The following ATP9B variants were observed in gnomAD, a reference collection of about 807,000 sequenced individuals.
ATP9B encodes probable phospholipid-transporting ATPase IIB.
A neutral mutation model predicts 146.1 loss-of-function variants in ATP9B; 110 were observed. The observed-to-expected ratio is 0.75, with a 90% confidence interval of 0.65 to 0.88. The LOEUF (loss-of-function observed/expected upper bound fraction) is 0.88, where lower values mean the gene tolerates loss of function less well. Among genes scored for constraint, ATP9B ranks in the 40% least tolerant of loss-of-function variants. The pLI is 0.00. For synonymous variants in ATP9B, 604 were observed against 569.7 expected, an observed-to-expected ratio of 1.06 and a Z score of -0.86; for missense variants, 1,499 against 1,496.4, an observed-to-expected ratio of 1.00 and a Z score of -0.03.
rs918605139 is a variant in ATP9B at position 79,316,880 on chromosome 18, A to C, written c.1773+9646A>C. Among the ~76,000 whole-genome samples, 26 of 152,260 alleles carry C rather than the reference A, an allele frequency of 1.7e-4. 1 individual carries two copies. Among genetic ancestry groups the C allele is most frequent in the Non-Finnish European group, 2.2e-4 (15 of 68,046 alleles). On this transcript the variant is annotated intron_variant, in intron 15 of 29. Coordinates refer to ENST00000426216, the MANE Select transcript of ATP9B (RefSeq NM_198531.5). ...GAAATCGGAAGATTATTGGCAAAAC[A>C]TAGTAAATACAAAACAGCGAATGTA... is the stretch of plus-strand genomic sequence containing the variant.
intron 4 of ATP9B, among the ~76,000 whole-genome samples, chr18:79,116,939 T>TAAAAAAAAAAAAAAAAAAAAAAAAAA (rs2094091025): frequency 1.3e-5 from 1 of 77,982 alleles, no homozygotes; most frequent in African/African-American, 5.4e-5. Flanking sequence ...AAAAAAAAAA[T>TAAAAAAAAAAAAAAAAAAAAAAAAAA]TAAAAAAAAA....
chr18:79,323,776 G>A (rs924140822), intron 15 of ATP9B, among the ~76,000 whole-genome samples: 11 of 152,168 alleles, frequency 7.2e-5, no homozygotes, highest in African/African-American at 1.2e-4. Flanking sequence ...TAGGGGTGCC[G>A]AGATCTCTTC....
chr18:79,316,649 C>T (rs938704365), intron 15 of ATP9B, among the ~76,000 whole-genome samples: 3 of 152,124 alleles, frequency 2.0e-5, no homozygotes, highest in Admixed American at 6.6e-5. Context: ...GCAGCCAACA[C>T]GTCAGAGAGC....
At chr18:79,176,196 C>G (rs1400015371) in intron 7 of ATP9B, among the ~76,000 whole-genome samples, 1 of 152,122 alleles carries the variant, frequency 6.6e-6, no homozygotes, top group Non-Finnish European at 1.5e-5. Flanking sequence ...AAGGAGCAGC[C>G]TTGTGTGTAT....
intron 13 of ATP9B, among the ~76,000 whole-genome samples, chr18:79,287,047 A>G (rs1599625280): frequency 6.6e-6 from 1 of 152,184 alleles, no homozygotes; most frequent in Non-Finnish European, 1.5e-5. Context: ...TGCTTGCATC[A>G]GTGTTCATCA....
intron 7 of ATP9B, 106 bp downstream of exon 7, chr18:79,154,661 TG>T: frequency 3.0e-6 from 2 of 667,946 alleles, no homozygotes; most frequent in South Asian, 6.0e-5. Context: ...TTTAGTATGC[TG>T]CAGCAATGAG....
chr18:79,303,786 G>C, intron 14 of ATP9B, 70 bp downstream of exon 14: 5 of 1,101,462 alleles, frequency 4.5e-6, no homozygotes, highest in East Asian at 2.4e-5. Flanking sequence ...GCTGAGCCTC[G>C]TGTGTTCCCA....
chr18:79,095,934 A>G (rs1287346829), intron 1 of ATP9B, among the ~76,000 whole-genome samples: 1 of 152,218 alleles, frequency 6.6e-6, no homozygotes, highest in African/African-American at 2.4e-5. Flanking sequence ...TGAAGAGAAT[A>G]ACAGAATAAA....
chr18:79,327,523 G>A (rs1330710424), intron 15 of ATP9B, among the ~76,000 whole-genome samples: 1 of 117,760 alleles, frequency 8.5e-6, no homozygotes, highest in Non-Finnish European at 1.8e-5. Flanking sequence ...TGGTTAGCGT[G>A]CTCTCCGTGG....
At chr18:79,238,326 A>C (rs1313466937) in intron 11 of ATP9B, among the ~76,000 whole-genome samples, 3 of 151,622 alleles carry the variant, frequency 2.0e-5, no homozygotes, top group Admixed American at 2.0e-4. Flanking sequence ...CTGTCATCTC[A>C]AGGCTGTGGG....
rs116020423 is a variant in ATP9B, at chr18:79,321,586, C to T, written c.1774-7555C>T. 9.1e-3 allele frequency among the ~76,000 whole-genome samples: 1,386 copies of T among 152,248 alleles called. 8 individuals are homozygous for T. Among genetic ancestry groups the T allele is most frequent in the African/African-American group, 0.024 (978 of 41,512 alleles). The stretch of plus-strand genomic sequence containing the variant: ...ATATTATCGAAATTCTGTCCAACAA[C>T]AGGCAAGTTACATGAGAACAGTAAT... On this transcript the variant is annotated intron_variant, in intron 15 of 29. Coordinates refer to ENST00000426216, the MANE Select transcript of ATP9B (RefSeq NM_198531.5).
chr18:79,336,027 G>T (rs996608277), intron 17 of ATP9B, among the ~76,000 whole-genome samples: 1 of 150,478 alleles, frequency 6.6e-6, no homozygotes, highest in African/African-American at 2.5e-5. Context: ...CCCCAGCACC[G>T]CCGTGTGCAC....
Position 79,330,013 on chromosome 18 carries a change from A to G in ATP9B, c.1937A>G (p.Asp646Gly), listed in dbSNP as rs1271457191. 2.5e-6 allele frequency: 4 copies of G among 1,613,924 alleles called. No individual in the cohort carries two copies. The highest frequency in any genetic ancestry group is 8.5e-7 in the Non-Finnish European group (1 of 1,179,808). Residue 646 changes from aspartate to glycine, a missense_variant and splice_region_variant, in exon 17 of 30, where the codon GAT becomes GGT. By Grantham distance (94) the Asp-to-Gly change is moderately conservative (BLOSUM62 -1). Transcript: ENST00000426216. The stretch of plus-strand genomic sequence containing the variant: ...CTGTTTATTTTTGTTCTTTGATAGG[A>G]TGAATCCACGGCAGAAATCACATTC... ...ESKRMGVIVRDESTAEITFYM... is the reference protein window; with the variant it reads ...ESKRMGVIVRGESTAEITFYM...
At chr18:79,193,440 A>T (rs926844759) in intron 9 of ATP9B, among the ~76,000 whole-genome samples, 177 bp downstream of exon 9, 2 of 152,186 alleles carry the variant, frequency 1.3e-5, no homozygotes, top group African/African-American at 4.8e-5. Flanking sequence ...TGTCTTTGGG[A>T]TACATTTAGT....
At chr18:79,234,054 C>G (rs1348565009) in intron 11 of ATP9B, among the ~76,000 whole-genome samples, 2 of 152,106 alleles carry the variant, frequency 1.3e-5, no homozygotes, top group Non-Finnish European at 2.9e-5. Context: ...AGTTCAAACC[C>G]TTGTTGTTCA....
At chr18:79,225,689 G>A (rs1173050935) in intron 11 of ATP9B, among the ~76,000 whole-genome samples, 4 of 138,586 alleles carry the variant, frequency 2.9e-5, no homozygotes, top group African/African-American at 1.2e-4. Context: ...AGTGACTGTT[G>A]GGTCCCGCAG....
chr18:79,201,078 G>C (rs528145879), intron 9 of ATP9B, among the ~76,000 whole-genome samples: 1 of 152,306 alleles, frequency 6.6e-6, no homozygotes, highest in African/African-American at 2.4e-5. Context: ...CACTCAAAGA[G>C]AGAAACTTAT....
At chr18:79,115,213 G>A (rs2094047852) in intron 4 of ATP9B, 1 of 137,772 alleles carries the variant, frequency 7.3e-6, no homozygotes, top group Admixed American at 7.3e-5. Flanking sequence ...CAACTTACAA[G>A]GGATGTGAAG....
chr18:79,112,478 A>G (rs1259861320), intron 3 of ATP9B, among the ~76,000 whole-genome samples: 2 of 152,206 alleles, frequency 1.3e-5, no homozygotes, highest in African/African-American at 4.8e-5. Flanking sequence ...CAGTATTGAC[A>G]TTCCTAAAAT....
Sources: allele counts gnomAD v4.1 joint callset (sites outside exome capture counted in the v4.1 genomes callset), GRCh38; gene constraint gnomAD v4.1.1; transcripts MANE v1.5; gene names NCBI Gene and HGNC (gene_info 2026-07-23, HGNC 2026-07-21).